The following USP6NL variants were observed in gnomAD, a reference collection of about 807,000 sequenced individuals.
USP6NL encodes USP6 N-terminal-like protein.
USP6NL carries 26 observed loss-of-function variants against 61.9 expected under a neutral mutation model. That is an observed-to-expected ratio of 0.42 (90% CI 0.31 to 0.58). The LOEUF (loss-of-function observed/expected upper bound fraction) is 0.58. Among genes scored for constraint, USP6NL ranks in the 20% least tolerant of loss-of-function variants. The pLI is 0.16. For missense variants in USP6NL, 1,114 were observed against 1,034.3 expected (o/e 1.08, Z -1.06); for synonymous variants, 432 against 390.1 (o/e 1.11, Z -1.27).
chr10:11,532,369 A>C lies in USP6NL; in HGVS notation c.5-4802T>G, dbSNP rs879236177. On this transcript the variant is annotated intron_variant, in intron 2 of 14. Coordinates refer to ENST00000609104, the MANE Select transcript of USP6NL (RefSeq NM_014688.5). This position sits in a 1 kb window ranked among gnomAD's most constrained non-coding sequence, Gnocchi z 4.1. ...GGCAGAGGCAGCTCTACTTTAAACT[A>C]TCTGTGAAACAAGCACAAGAAGAAA... 4 of 623,460 alleles carry C rather than the reference A, an allele frequency of 6.4e-6. No individual in the cohort carries two copies. Among genetic ancestry groups the C allele is most frequent in the Non-Finnish European group, 1.0e-5 (4 of 386,552 alleles). 38.6% of individuals were successfully genotyped at this position (623,460 alleles called of 1,614,324 possible).
At chr10:11,494,969 CAG>C (rs897795773) in intron 7 of USP6NL, among the ~76,000 whole-genome samples, 11 of 151,982 alleles carry the variant, frequency 7.2e-5, no homozygotes, top group African/African-American at 2.7e-4. Context: ...GGTGGAGGAG[CAG>C]AGTCTTCTCT....
rs1429354670 is a variant in USP6NL at position 11,528,391 on chromosome 10, C to G, written c.5-824G>C. Among the ~76,000 whole-genome samples, 1 of 151,564 alleles carries G rather than the reference C, an allele frequency of 6.6e-6. No homozygotes were observed. Among genetic ancestry groups the G allele is most frequent in the African/African-American group, 2.4e-5 (1 of 41,258 alleles). On this transcript the variant is annotated intron_variant, in intron 2 of 14. Transcript: ENST00000609104. This position sits in a 1 kb window ranked among gnomAD's most constrained non-coding sequence, Gnocchi z 4.6. ...GTAGCAACAGCAGTAACAACTGTAA[C>G]AACTATACTGCATTCTTATTAAGTG...
rs2133241409 is a variant in USP6NL at position 11,485,736 on chromosome 10, T to C, written c.759+81A>G. 6 of 887,516 alleles carry C rather than the reference T, an allele frequency of 6.8e-6. No homozygotes were observed. Among genetic ancestry groups the C allele is most frequent in the Admixed American group, 2.9e-5 (1 of 34,132 alleles). The allele number at this position is 887,516 out of a possible 1,614,324, so 55.0% of individuals were successfully genotyped here. A position where few individuals can be genotyped will look rare whatever the true frequency, so the allele number is the denominator to read the frequency against. ...ATGACACTATAAATTAATAAGGTAA[T>C]TGGACCAAAGACAATTTAATTATCC... is the stretch of plus-strand genomic sequence containing the variant. On this transcript the variant is annotated intron_variant, in intron 11 of 14. Transcript: ENST00000609104. This position sits in a 1 kb window ranked among gnomAD's most constrained non-coding sequence, Gnocchi z 4.8.
intron 2 of USP6NL, chr10:11,564,724 C>G (rs1354590653): frequency 2.6e-5 from 4 of 152,172 alleles, no homozygotes; most frequent in African/African-American, 9.7e-5. Flanking sequence ...TCCCAGCTAT[C>G]CCCTATGATA....
chr10:11,473,999 C>A (rs766525271), intron 14 of USP6NL, among the ~76,000 whole-genome samples: 1 of 152,022 alleles, frequency 6.6e-6, no homozygotes, highest in Non-Finnish European at 1.5e-5. Flanking sequence ...GCAGGCACCA[C>A]CTTCGAGATA....
intron 14 of USP6NL, among the ~76,000 whole-genome samples, chr10:11,471,280 C>T (rs1313071997): frequency 2.0e-5 from 3 of 152,200 alleles, no homozygotes; most frequent in East Asian, 3.9e-4. Context: ...TATGAGATAC[C>T]ATCTCACACC....
intron 1 of USP6NL, among the ~76,000 whole-genome samples, chr10:11,606,334 T>G (rs190734367): frequency 5.9e-4 from 90 of 152,290 alleles, no homozygotes; most frequent in African/African-American, 2.1e-3. Flanking sequence ...TTACATCCAC[T>G]CTGAAGAAAT....
Position 11,491,041 on chromosome 10 carries a change from A to T in USP6NL, c.495-161T>A, listed in dbSNP as rs902214559. On this transcript the variant is annotated intron_variant, in intron 8 of 14. Coordinates refer to ENST00000609104, the MANE Select transcript of USP6NL (RefSeq NM_014688.5). This position sits in a 1 kb window ranked among gnomAD's most constrained non-coding sequence, Gnocchi z 4.7. ...AAGTTCAAATTCAAACAACACTCTA[A>T]AAAGTCTAAATTCAAGACTAGATAA... Among the ~76,000 whole-genome samples the T allele has an allele frequency of 5.3e-5, 8 of 152,236 alleles. No homozygotes were observed. Among genetic ancestry groups the T allele is most frequent in the East Asian group, 1.9e-4 (1 of 5,202 alleles).
At chr10:11,593,925 C>T (rs1838237956) in intron 2 of USP6NL, among the ~76,000 whole-genome samples, 1 of 152,180 alleles carries the variant, frequency 6.6e-6, no homozygotes, top group African/African-American at 2.4e-5. Flanking sequence ...CTGGGAAACA[C>T]TGCAAAGATA....
At chr10:11,564,664 G>A (rs1176366001) in intron 2 of USP6NL, 1 of 152,078 alleles carries the variant, frequency 6.6e-6, no homozygotes, top group Admixed American at 6.6e-5. Flanking sequence ...TATTCAAAGA[G>A]CTACTCTAAA....
chr10:11,505,679 T>TA (rs113507359), intron 6 of USP6NL, among the ~76,000 whole-genome samples: 35 of 150,848 alleles, frequency 2.3e-4, no homozygotes, highest in South Asian at 8.4e-4. Flanking sequence ...TCTATGGACT[T>TA]AAAAAAAAAA....
chr10:11,488,356 A>G (rs1220333407), intron 10 of USP6NL, among the ~76,000 whole-genome samples: 2 of 152,160 alleles, frequency 1.3e-5, no homozygotes, highest in Admixed American at 6.5e-5. Context: ...TCAAGACTGC[A>G]ATGAGTCACA....
rs546271719 is a variant in USP6NL at position 11,548,905 on chromosome 10, G to A, written c.5-21338C>T. On this transcript the variant is annotated intron_variant, in intron 2 of 14. Transcript: ENST00000609104. This position sits in a 1 kb window ranked among gnomAD's most constrained non-coding sequence, Gnocchi z 4.3. ...AGTTGTATTAGTGCTATTATACCCA[G>A]AAAAGTCCCTAAAGACCATTATTTC... Among the ~76,000 whole-genome samples, 1 of 152,154 alleles carries A rather than the reference G, an allele frequency of 6.6e-6. No individual in the cohort carries two copies. Among genetic ancestry groups the A allele is most frequent in the East Asian group, 1.9e-4 (1 of 5,184 alleles).
rs1179441816 is a variant in USP6NL, at chr10:11,517,914, T to C, written c.195+621A>G. 3.3e-5 allele frequency among the ~76,000 whole-genome samples: 5 copies of C among 152,284 alleles called. No homozygotes were observed. In the South Asian group the frequency reaches 8.3e-4, roughly 25 times the overall value. On this transcript the variant is annotated intron_variant, in intron 5 of 14. Coordinates refer to ENST00000609104, the MANE Select transcript of USP6NL (RefSeq NM_014688.5). ...GAAACAGTGGGGAGGAAAAGGGAGA[T>C]TTCGGACAACCTTAAAACATTCCGT...
Position 11,512,805 on chromosome 10 carries a change from C to T in USP6NL, c.196-3130G>A, listed in dbSNP as rs7904994. 3.3e-3 allele frequency among the ~76,000 whole-genome samples: 510 copies of T among 152,312 alleles called. 1 individual carries two copies. The highest frequency in any genetic ancestry group is 0.012 in the African/African-American group (497 of 41,574). Reference sequence around the variant, plus strand: ...CGCCTGGAACCTTTCCCAGATCGCTCCATGTTCCAAGCAAAACCAACTGTT... The same window carrying T: ...CGCCTGGAACCTTTCCCAGATCGCTTCATGTTCCAAGCAAAACCAACTGTT... On this transcript the variant is annotated intron_variant, in intron 5 of 14. Coordinates refer to ENST00000609104, the MANE Select transcript of USP6NL (RefSeq NM_014688.5).
chr10:11,511,726 C>A lies in USP6NL; in HGVS notation c.196-2051G>T, dbSNP rs117687154. Among the ~76,000 whole-genome samples, 3,253 of 152,018 alleles carry A rather than the reference C, an allele frequency of 0.021. 51 individuals are homozygous for A. The highest frequency in any genetic ancestry group is 0.036 in the Non-Finnish European group (2,423 of 67,992). Reference sequence around the variant, plus strand: ...TTATTTTAAATGCTATACATTCCCACGCTGCAAGAACAAAACACACACATA... The same window carrying A: ...TTATTTTAAATGCTATACATTCCCAAGCTGCAAGAACAAAACACACACATA... On this transcript the variant is annotated intron_variant, in intron 5 of 14. Transcript: ENST00000609104. The surrounding 1 kb of genome is among the most constrained non-coding windows in gnomAD (Gnocchi z 4.9).
At position 11,511,215 on chromosome 10, in the gene USP6NL, A is replaced by G. The variant is rs1834702536; in HGVS notation, c.196-1540T>C. Among the ~76,000 whole-genome samples, 1 of 152,248 alleles carries G rather than the reference A, an allele frequency of 6.6e-6. No homozygotes were observed. The highest frequency in any genetic ancestry group is 2.4e-5 in the African/African-American group (1 of 41,468). On this transcript the variant is annotated intron_variant, in intron 5 of 14. Coordinates refer to ENST00000609104, the MANE Select transcript of USP6NL (RefSeq NM_014688.5). The surrounding 1 kb of genome is among the most constrained non-coding windows in gnomAD (Gnocchi z 4.9). Reference sequence around the variant, plus strand: ...GATGGGTTTCTCACAATAAAAGATGAGCACTCATGAGAAAAAGATATTCTT... The same window carrying G: ...GATGGGTTTCTCACAATAAAAGATGGGCACTCATGAGAAAAAGATATTCTT...
In USP6NL at chr10:11,561,818, A is replaced by G. The variant is rs563595681; in HGVS notation, c.5-34251T>C. 6.6e-6 allele frequency among the ~76,000 whole-genome samples: 1 copy of G among 152,340 alleles called. No individual in the cohort carries two copies. The highest frequency in any genetic ancestry group is 1.5e-5 in the Non-Finnish European group (1 of 68,030). ...ATACCAATTTGTTCTCTTACCAACA[A>G]TATGTGAGCACCTTTTTCATCACAT... On this transcript the variant is annotated intron_variant, in intron 2 of 14. Transcript: ENST00000609104. This position sits in a 1 kb window ranked among gnomAD's most constrained non-coding sequence, Gnocchi z 4.1.
chr10:11,494,002 T>C (rs533507134), intron 7 of USP6NL, among the ~76,000 whole-genome samples: 1 of 152,356 alleles, frequency 6.6e-6, no homozygotes, highest in Non-Finnish European at 1.5e-5. Flanking sequence ...TCCTATCTTT[T>C]TTCTCAGGTT....
Sources: allele counts gnomAD v4.1 joint callset (sites outside exome capture counted in the v4.1 genomes callset), GRCh38; gene constraint gnomAD v4.1.1; non-coding constraint Gnocchi (gnomAD v3.1); transcripts MANE v1.5; gene names NCBI Gene and HGNC (gene_info 2026-07-23, HGNC 2026-07-21).